The following NAT10 variants were observed in gnomAD, a reference collection of about 807,000 sequenced individuals.
NAT10 encodes the protein N-acetyltransferase 10.
NAT10 carries 109 observed loss-of-function variants against 132.2 expected under a neutral mutation model. That is an observed-to-expected ratio of 0.82 (90% confidence interval 0.71 to 0.97). The LOEUF (loss-of-function observed/expected upper bound fraction) is 0.97. NAT10 is among the 50% of genes least tolerant of loss of function. The pLI is 0.00. For synonymous variants in NAT10, 479 were observed against 478.0 expected (o/e 1.00, Z -0.03); for missense variants, 1,184 against 1,263.4 (o/e 0.94, Z 0.95).
chr11:34,142,356 T>G lies in NAT10; in HGVS notation c.2885+8T>G, dbSNP rs1852351400. 1 of 1,613,680 alleles carries G rather than the reference T, an allele frequency of 6.2e-7. No individual in the cohort carries two copies. The highest frequency in any genetic ancestry group is 8.5e-7 in the Non-Finnish European group (1 of 1,179,664). ...GAGCATGGACCTCTCTGAGTAAGGCTTGTGGGAAGCAGAGGGTTTGCCTTG... is the reference window on the plus strand; with the variant it reads ...GAGCATGGACCTCTCTGAGTAAGGCGTGTGGGAAGCAGAGGGTTTGCCTTG... On this transcript the variant is annotated splice_region_variant and intron_variant, in intron 27 of 28. Transcript: ENST00000257829.
intron 25 of NAT10, among the ~76,000 whole-genome samples, chr11:34,141,467 C>T (rs1164247732): frequency 6.6e-6 from 1 of 151,584 alleles, no homozygotes; most frequent in African/African-American, 2.4e-5. Context: ...CGCGCAAATA[C>T]AGGACTTCAG....
chr11:34,145,993 C>A (rs1391680826), intron 28 of NAT10, 91 bp from the exon 29 acceptor site: 2 of 914,172 alleles, frequency 2.2e-6, no homozygotes, highest in Non-Finnish European at 3.3e-6. Flanking sequence ...ACGGTGGAAA[C>A]CCTTTTTGAC....
intron 11 of NAT10, among the ~76,000 whole-genome samples, chr11:34,125,363 A>T (rs1851968456): frequency 6.6e-6 from 1 of 152,140 alleles, no homozygotes; most frequent in Non-Finnish European, 1.5e-5. Context: ...ATTTCCCTGA[A>T]ATACCCTGCC....
chr11:34,108,609 C>T (rs1237036166), intron 2 of NAT10, 133 bp from the exon 3 acceptor site: 12 of 837,642 alleles, frequency 1.4e-5, no homozygotes, highest in Non-Finnish European at 2.1e-5. Flanking sequence ...GGTCATTGCT[C>T]GCCTTAGAAC....
chr11:34,120,143 G>GTTTTTTTTTTTTTTTTTTTTTTGTT (rs771235436), intron 8 of NAT10, among the ~76,000 whole-genome samples: 1 of 94,146 alleles, frequency 1.1e-5, no homozygotes, highest in African/African-American at 4.4e-5. Flanking sequence ...GTTGCTGTTG[G>GTTTTTTTTTTTTTTTTTTTTTTGTT]TTTTTTTTTT....
rs895763840 is a variant in NAT10 at position 34,143,240 on chromosome 11, C to T, written c.2886-205C>T. Among the ~76,000 whole-genome samples the T allele has an allele frequency of 7.2e-5, 11 of 152,228 alleles. No homozygotes were observed. In the East Asian group the frequency reaches 2.1e-3, roughly 29 times the overall value. On this transcript the variant is annotated intron_variant, in intron 27 of 28. Transcript: ENST00000257829. Reference sequence around the variant, plus strand: ...GGTGACCCTCGCTCCTGTGGAGCTTCTATCCATAGAGCTAAGCACCATGTC... The same window carrying T: ...GGTGACCCTCGCTCCTGTGGAGCTTTTATCCATAGAGCTAAGCACCATGTC...
At position 34,141,790 on chromosome 11, in the gene NAT10, C is replaced by A. The variant is rs755244878; in HGVS notation, c.2784C>A (p.Pro928=). 6.2e-7 allele frequency: 1 copy of A among 1,613,920 alleles called. No homozygotes were observed. The part of the protein sequence containing the change: ...MVAAKDVVME[P]TMKTLSDDLD... ...CAGCGAAGGATGTGGTCATGGAGCC[C>A]ACGATGAAGACCCTCAGTGACGACC... Residue 928 remains proline (P), a synonymous_variant, in exon 26 of 29, where the codon CCC becomes CCA. Transcript: ENST00000257829.
chr11:34,137,390 T>C (rs1852236315), intron 21 of NAT10, among the ~76,000 whole-genome samples: 1 of 152,190 alleles, frequency 6.6e-6, no homozygotes, highest in South Asian at 2.1e-4. Flanking sequence ...TGGGACTCAC[T>C]GCAGGAGGAG....
intron 9 of NAT10, among the ~76,000 whole-genome samples, chr11:34,122,911 T>C (rs1466920601): frequency 2.6e-5 from 4 of 152,236 alleles, no homozygotes. Flanking sequence ...GGCATGAGAA[T>C]GTGTATGACC....
chr11:34,129,599 C>CTTTT lies in NAT10; in HGVS notation c.1245-1191_1245-1188dup, dbSNP rs71037399. Among the ~76,000 whole-genome samples, 55 of 56,726 alleles carry CTTTT rather than the reference C, an allele frequency of 9.7e-4. No individual in the cohort carries two copies. In the East Asian group the frequency reaches 0.012, roughly 12 times the overall value. The allele number at this position is 56,726 out of a possible 152,430, so 37.2% of individuals were successfully genotyped here. On this transcript the variant is annotated intron_variant, in intron 12 of 28. Coordinates refer to ENST00000257829, the MANE Select transcript of NAT10 (RefSeq NM_024662.3). ...GTTTTTTCACTTTCTTCTTCTTCTT[C>CTTTT]TTTTTTTTTTTTTTTTTTTTTTTTT...
At chr11:34,132,972 C>T (rs902605517) in intron 15 of NAT10, 54 bp from the exon 16 acceptor site, 26 of 1,440,714 alleles carry the variant, frequency 1.8e-5, no homozygotes, top group South Asian at 3.4e-5. Flanking sequence ...GAACCTTTTG[C>T]GTAAAGGGCA....
intron 11 of NAT10, among the ~76,000 whole-genome samples, chr11:34,125,879 G>C (rs1161356804): frequency 6.6e-6 from 1 of 152,164 alleles, no homozygotes; most frequent in Non-Finnish European, 1.5e-5. Context: ...CAGGAGAATT[G>C]GTTGAACCCG....
Position 34,133,292 on chromosome 11 carries a change from A to G in NAT10, c.1734+150A>G, listed in dbSNP as rs1007074539. On this transcript the variant is annotated intron_variant, in intron 16 of 28. Transcript: ENST00000257829. Reference sequence around the variant, plus strand: ...GCTGGGTCTGCTGAGACAGGTGACTAGGGTGCACTGGAAGAGGTTAGCGCC... The same window carrying G: ...GCTGGGTCTGCTGAGACAGGTGACTGGGGTGCACTGGAAGAGGTTAGCGCC... The G allele has an allele frequency of 1.2e-5, 8 of 648,400 alleles. No individual in the cohort carries two copies. The African/African-American group carries it at 1.3e-4, about 10-fold the overall frequency. 40.2% of individuals were successfully genotyped at this position (648,400 alleles called of 1,614,324 possible).
chr11:34,131,673 CTTTTTTTTTTTTCTTTCT>C, intron 14 of NAT10, 142 bp downstream of exon 14: 2 of 659,010 alleles, frequency 3.0e-6, no homozygotes, highest in East Asian at 4.1e-5. Context: ...TTTTCTCTTC[CTTTTTTTTTTTTCTTTCT>C]TTTTTTTTTT....
At chr11:34,125,634 G>T (rs1166598867) in intron 11 of NAT10, among the ~76,000 whole-genome samples, 2 of 152,136 alleles carry the variant, frequency 1.3e-5, no homozygotes, top group South Asian at 2.1e-4. Flanking sequence ...ACAAGATCTG[G>T]GGCCCTGTTG....
At position 34,130,787 on chromosome 11, in the gene NAT10, C is replaced by T. The variant is rs762845446; in HGVS notation, c.1245-26C>T. On this transcript the variant is annotated intron_variant, in intron 12 of 28. Coordinates refer to ENST00000257829, the MANE Select transcript of NAT10 (RefSeq NM_024662.3). Reference sequence around the variant, plus strand: ...AGACAGTGGATTTGGGACCTTGTGCCTGATTCCTTTTGCCTTTGTTTCTAG... The same window carrying T: ...AGACAGTGGATTTGGGACCTTGTGCTTGATTCCTTTTGCCTTTGTTTCTAG... 4.3e-6 allele frequency: 7 copies of T among 1,613,278 alleles called. No homozygotes were observed. In the African/African-American group the frequency reaches 5.3e-5, roughly 12 times the overall value.
In NAT10 at chr11:34,140,676, C is replaced by A. The variant is rs538160819; in HGVS notation, c.2592+104C>A. 12 of 1,292,708 alleles carry A rather than the reference C, an allele frequency of 9.3e-6. No homozygotes were observed. In the East Asian group the frequency reaches 1.8e-4, roughly 19 times the overall value. The allele number at this position is 1,292,708 out of a possible 1,614,324, so 80.1% of individuals were successfully genotyped here. A position where few individuals can be genotyped will look rare whatever the true frequency, so the allele number is the denominator to read the frequency against. On this transcript the variant is annotated intron_variant, in intron 24 of 28. Transcript: ENST00000257829. ...TGGACATAATTGTGTGCCTTTAATT[C>A]CTCATACATCTGATAGGTGGGTAGT... is the stretch of plus-strand genomic sequence containing the variant.
intron 6 of NAT10, among the ~76,000 whole-genome samples, chr11:34,116,307 G>A (rs1851781517): frequency 6.6e-6 from 1 of 152,178 alleles, no homozygotes; most frequent in South Asian, 2.1e-4. Flanking sequence ...GATGTAATTA[G>A]AGGCAGAAAA....
At chr11:34,133,432 T>A (rs1210961270) in intron 16 of NAT10, among the ~76,000 whole-genome samples, 2 of 152,202 alleles carry the variant, frequency 1.3e-5, no homozygotes, top group Non-Finnish European at 1.5e-5. Flanking sequence ...CTCCCTTTAT[T>A]ACAAAAGCAA....
Sources: gnomAD v4.1 joint callset for allele counts (sites outside exome capture counted in the v4.1 genomes callset) on GRCh38, gnomAD v4.1.1 for gene constraint, MANE v1.5 for transcripts, NCBI Gene and HGNC (gene_info 2026-07-23, HGNC 2026-07-21) for gene names.